DLG2: variants seen among roughly 807,000 people sequenced by gnomAD.
DLG2 encodes the protein disks large homolog 2.
Under a neutral mutation model 132.5 loss-of-function variants are expected in DLG2, and 45 were observed. The ratio of observed to expected loss-of-function variants is 0.34; its 90% CI spans 0.27 to 0.44. DLG2 has a LOEUF of 0.44. Among genes scored for constraint, DLG2 ranks in the 20% least tolerant of loss-of-function variants. The probability of loss-of-function intolerance (pLI) is 1.00; values close to 1 mark genes in which losing one functional copy is unlikely to be tolerated. For synonymous variants in DLG2, 424 were observed against 419.6 expected (o/e 1.01, Z -0.13); for missense variants, 1,045 against 1,196.9 (o/e 0.87, Z 1.87).
chr11:84,050,878 T>A (rs539881954), intron 11 of DLG2, among the ~76,000 whole-genome samples: 1 of 152,106 alleles, frequency 6.6e-6, no homozygotes, highest in East Asian at 1.9e-4. Flanking sequence ...TTGGTCTACA[T>A]CTCTGTTTTG....
At chr11:83,829,951 G>A (rs941232770) in intron 17 of DLG2, among the ~76,000 whole-genome samples, 1 of 152,070 alleles carries the variant, frequency 6.6e-6, no homozygotes, top group African/African-American at 2.4e-5. Context: ...CTGTGTCCAA[G>A]TGTTCTCATT....
intron 16 of DLG2, among the ~76,000 whole-genome samples, chr11:83,870,474 G>C (rs1418709147): frequency 6.6e-6 from 1 of 152,008 alleles, no homozygotes; most frequent in African/African-American, 2.4e-5. Flanking sequence ...GTATTCCATT[G>C]TGTATATATA....
intron 3 of DLG2, among the ~76,000 whole-genome samples, chr11:85,413,126 G>A (rs541290521): frequency 4.6e-5 from 7 of 151,848 alleles, no homozygotes; most frequent in South Asian, 4.2e-4. Context: ...AGGTGGTATC[G>A]CATTGGACTT....
intron 3 of DLG2, among the ~76,000 whole-genome samples, chr11:85,594,987 A>AC: frequency 6.7e-6 from 1 of 150,196 alleles, no homozygotes; most frequent in East Asian, 2.0e-4. Context: ...AATCGCTTGA[A>AC]CCAGGAGGCA....
At chr11:85,394,989 T>G (rs778777698) in intron 3 of DLG2, among the ~76,000 whole-genome samples, 1 of 152,170 alleles carries the variant, frequency 6.6e-6, no homozygotes, top group Admixed American at 6.5e-5. Flanking sequence ...GCCCTGGGCC[T>G]AAGGAGTAGT....
intron 4 of DLG2, among the ~76,000 whole-genome samples, chr11:85,157,501 G>T (rs988482473): frequency 2.0e-5 from 3 of 151,564 alleles, no homozygotes; most frequent in Non-Finnish European, 4.4e-5. Context: ...GAGGCAAGGA[G>T]TTTAGCGACT....
intron 6 of DLG2, among the ~76,000 whole-genome samples, chr11:84,569,295 T>C (rs138788768): frequency 2.6e-5 from 4 of 152,240 alleles, no homozygotes; most frequent in African/African-American, 9.6e-5. Context: ...GGCTGTATCC[T>C]CAAATGCACG....
chr11:84,016,028 A>G (rs928171657), intron 11 of DLG2, among the ~76,000 whole-genome samples: 5 of 152,116 alleles, frequency 3.3e-5, no homozygotes, highest in African/African-American at 1.2e-4. Flanking sequence ...TTTTCTCCAC[A>G]GCCTCATCAG....
At chr11:83,502,271 A>T (rs1044824793) in intron 21 of DLG2, among the ~76,000 whole-genome samples, 5 of 152,076 alleles carry the variant, frequency 3.3e-5, no homozygotes, top group Non-Finnish European at 5.9e-5. Flanking sequence ...ACAAGCCAAG[A>T]TTCATACCCA....
At position 84,374,014 on chromosome 11, in the gene DLG2, G is replaced by T. The variant is rs150217600; in HGVS notation, c.520-122723C>A. Among the ~76,000 whole-genome samples, 542 of 152,234 alleles carry T rather than the reference G, an allele frequency of 3.6e-3. 3 individuals carry two copies. The highest frequency in any genetic ancestry group is 0.013 in the African/African-American group (527 of 41,546). The stretch of plus-strand genomic sequence containing the variant: ...TGAACACATTTGCTCTGCGTTGAGA[G>T]GTTCCTCCTGCTTTTTTCACAGGCA... On this transcript the variant is annotated intron_variant, in intron 7 of 27. Coordinates refer to ENST00000376104, the MANE Select transcript of DLG2 (RefSeq NM_001142699.3).
intron 9 of DLG2, among the ~76,000 whole-genome samples, chr11:84,131,975 G>T (rs993558904): frequency 1.1e-4 from 16 of 151,070 alleles, no homozygotes; most frequent in African/African-American, 3.2e-4. Context: ...ACTACAAAAC[G>T]TTTGAACACG....
At chr11:85,030,536 A>G (rs2154144530) in intron 6 of DLG2, among the ~76,000 whole-genome samples, 1 of 152,328 alleles carries the variant, frequency 6.6e-6, no homozygotes, top group South Asian at 2.1e-4. Flanking sequence ...TTTGTTATTC[A>G]TGCTTTAAAA....
At chr11:84,826,540 A>G (rs1230928141) in intron 6 of DLG2, among the ~76,000 whole-genome samples, 1 of 151,916 alleles carries the variant, frequency 6.6e-6, no homozygotes, top group Non-Finnish European at 1.5e-5. Context: ...TTAATTCCTC[A>G]GTATCAGAAA....
intron 7 of DLG2, among the ~76,000 whole-genome samples, chr11:84,274,956 G>A (rs1427475174): frequency 2.0e-5 from 3 of 151,904 alleles, no homozygotes; most frequent in African/African-American, 2.4e-5. Flanking sequence ...ATGCATTGTC[G>A]ACCAGCCAGC....
At chr11:85,031,459 T>C (rs2060994116) in intron 6 of DLG2, among the ~76,000 whole-genome samples, 1 of 152,200 alleles carries the variant, frequency 6.6e-6, no homozygotes. Context: ...CATACTATAC[T>C]TACTTTTATA....
At chr11:83,883,741 T>C (rs2066953517) in intron 15 of DLG2, among the ~76,000 whole-genome samples, 1 of 152,076 alleles carries the variant, frequency 6.6e-6, no homozygotes, top group Admixed American at 6.5e-5. Flanking sequence ...TTCTAGGCTT[T>C]TGTAGTATAA....
chr11:83,940,344 T>C (rs1276088194), intron 14 of DLG2, among the ~76,000 whole-genome samples: 1 of 152,232 alleles, frequency 6.6e-6, no homozygotes, highest in East Asian at 1.9e-4. Flanking sequence ...CTTGGTTTTG[T>C]ACTTTGATGT....
chr11:85,434,293 G>A (rs913001192), intron 3 of DLG2, among the ~76,000 whole-genome samples: 1 of 151,816 alleles, frequency 6.6e-6, no homozygotes, highest in African/African-American at 2.4e-5. Context: ...AAATTCGAAA[G>A]CTAGCAGAAG....
intron 18 of DLG2, among the ~76,000 whole-genome samples, chr11:83,657,456 TG>T (rs1387372415): frequency 6.6e-6 from 1 of 152,118 alleles, no homozygotes; most frequent in Non-Finnish European, 1.5e-5. Context: ...TTTACTTACT[TG>T]GTAAATGTTA....
Sources: allele counts gnomAD v4.1 joint callset (sites outside exome capture counted in the v4.1 genomes callset), GRCh38; gene constraint gnomAD v4.1.1; transcripts MANE v1.5; gene names NCBI Gene and HGNC (gene_info 2026-07-23, HGNC 2026-07-21).